ARHGEF3: variants seen among roughly 807,000 people sequenced by gnomAD.
ARHGEF3 encodes the protein 59.8 kDA protein.
A neutral mutation model predicts 63.2 loss-of-function variants in ARHGEF3; 28 were observed. The observed-to-expected ratio is 0.44, with a 90% CI of 0.33 to 0.61. The LOEUF is 0.61. ARHGEF3 is among the 20% of genes least tolerant of loss of function. The pLI is 0.03. For missense variants in ARHGEF3, 533 were observed against 659.3 expected (o/e 0.81, Z 2.10); for synonymous variants, 266 against 254.2 (o/e 1.05, Z -0.44).
chr3:56,994,741 AT>A (rs1472752947), intron 2 of ARHGEF3, among the ~76,000 whole-genome samples: 1 of 152,172 alleles, frequency 6.6e-6, no homozygotes, highest in Admixed American at 6.5e-5. Context: ...ATCCAGGACA[AT>A]AGAAGAAAAT....
rs1274433376 is a variant in ARHGEF3, at chr3:56,729,341, G to C, written c.1510C>G (p.Leu504Val). ...DCSMDTSEVSLDCERMEQTDS... is the reference protein window; with the variant it reads ...DCSMDTSEVSVDCERMEQTDS... The stretch of plus-strand genomic sequence containing the variant: ...GTCTGTTCCATGCGCTCACAGTCGA[G>C]GCTGACCTCACTCGTGTCCATACTA... Residue 504 changes from leucine to valine, a missense_variant, in exon 10 of 10, where the codon CTC (leucine) becomes GTC (valine). Around this residue, in one of 4 missense-constraint regions of ARHGEF3, gnomAD observed 115 missense variants for 103.4 expected, o/e 1.11. Transcript: ENST00000296315. 4 of 1,613,994 alleles carry C rather than the reference G, an allele frequency of 2.5e-6. No homozygotes were observed. In the Admixed American group the frequency reaches 5.0e-5, roughly 20 times the overall value.
At chr3:56,983,937 G>GGA (rs765054138) in intron 2 of ARHGEF3, among the ~76,000 whole-genome samples, 2 of 112,536 alleles carry the variant, frequency 1.8e-5, no homozygotes, top group Non-Finnish European at 3.5e-5. Context: ...TCCGTCTCGA[G>GGA]AAAAAAAAAA....
chr3:56,884,561 T>C (rs748381427), intron 3 of ARHGEF3, among the ~76,000 whole-genome samples: 1 of 152,236 alleles, frequency 6.6e-6, no homozygotes. Context: ...CCAGGAGCCA[T>C]CCCCAGGAAT....
At chr3:56,937,330 T>C (rs947335956) in intron 3 of ARHGEF3, among the ~76,000 whole-genome samples, 1 of 152,242 alleles carries the variant, frequency 6.6e-6, no homozygotes, top group Non-Finnish European at 1.5e-5. Flanking sequence ...TTAGGACATA[T>C]ATACTGAAAT....
intron 1 of ARHGEF3, chr3:57,073,982 A>G (rs1288700787): frequency 6.2e-7 from 1 of 1,614,098 alleles, no homozygotes; most frequent in Non-Finnish European, 8.5e-7. Flanking sequence ...ACATCGCTGT[A>G]TCCCAAATAA....
intron 2 of ARHGEF3, among the ~76,000 whole-genome samples, chr3:56,976,918 C>T (rs527348729): frequency 2.0e-4 from 31 of 151,904 alleles, no homozygotes; most frequent in Non-Finnish European, 3.7e-4. Context: ...ACCTCAATGA[C>T]GGCTAAAAAA....
intron 3 of ARHGEF3, among the ~76,000 whole-genome samples, chr3:56,926,799 T>C (rs1006490820): frequency 6.6e-6 from 1 of 152,218 alleles, no homozygotes; most frequent in Non-Finnish European, 1.5e-5. Flanking sequence ...AAAAGCTGAT[T>C]TTTATTTTTT....
At chr3:56,750,632 A>G (rs1244840512) in intron 6 of ARHGEF3, among the ~76,000 whole-genome samples, 3 of 145,934 alleles carry the variant, frequency 2.1e-5, no homozygotes, top group Non-Finnish European at 3.0e-5. Context: ...ATAAAACTGC[A>G]TTTTGACCAT....
intron 1 of ARHGEF3, among the ~76,000 whole-genome samples, chr3:57,062,337 G>C (rs1050118441): frequency 6.6e-6 from 1 of 152,164 alleles, no homozygotes; most frequent in Admixed American, 6.5e-5. Flanking sequence ...GCCTGGCAAG[G>C]GTGGCTTGTG....
chr3:57,017,957 G>A (rs757538827), intron 2 of ARHGEF3, among the ~76,000 whole-genome samples: 2 of 152,186 alleles, frequency 1.3e-5, no homozygotes, highest in Non-Finnish European at 2.9e-5. Flanking sequence ...CAGTAGTTAC[G>A]CTGTGAAAAC....
chr3:56,967,447 T>TATTATAA (rs1700582824), intron 2 of ARHGEF3, among the ~76,000 whole-genome samples: 1 of 76,534 alleles, frequency 1.3e-5, no homozygotes, highest in Non-Finnish European at 2.2e-5. Flanking sequence ...ATATATTATA[T>TATTATAA]ATTATACATA....
At chr3:56,958,201 C>G (rs1423736833) in intron 3 of ARHGEF3, among the ~76,000 whole-genome samples, 1 of 152,076 alleles carries the variant, frequency 6.6e-6, no homozygotes, top group Non-Finnish European at 1.5e-5. Flanking sequence ...CCAAAGAAAA[C>G]AGCCCCAATG....
chr3:56,787,372 C>T (rs78637925), intron 1 of ARHGEF3, among the ~76,000 whole-genome samples: 3,282 of 152,230 alleles, frequency 0.022, 136 homozygotes, highest in African/African-American at 0.075. Context: ...CTTGCCTACT[C>T]ATAGACTCTA....
chr3:56,983,667 G>A (rs1299120410), intron 2 of ARHGEF3, among the ~76,000 whole-genome samples: 2 of 152,230 alleles, frequency 1.3e-5, no homozygotes, highest in Admixed American at 6.5e-5. Flanking sequence ...GCCGGAAGCA[G>A]TGGCTGACGC....
In ARHGEF3 at chr3:56,801,745, G is replaced by A. The variant is rs2037664185; in HGVS notation, c.54C>T (p.Ser18=). Residue 18 remains serine, a synonymous_variant, in exon 1 of 10, where the codon AGC becomes AGT. Coordinates refer to ENST00000296315, the MANE Select transcript of ARHGEF3 (RefSeq NM_019555.3). ...GACCGCTGGCCGGGGGTAGCTCCAG[G>A]CTGCAGTTCGCTCTCTTGACCGTGA... is the stretch of plus-strand genomic sequence containing the variant. The part of the protein sequence containing the change: ...FYLTVKRANC[S]LELPPASGPA... 1.3e-6 allele frequency: 2 copies of A among 1,569,162 alleles called. No individual in the cohort carries two copies. The highest frequency in any genetic ancestry group is 1.7e-6 in the Non-Finnish European group (2 of 1,155,798).
At chr3:56,851,660 T>C (rs1324730672) in intron 4 of ARHGEF3, among the ~76,000 whole-genome samples, 1 of 152,120 alleles carries the variant, frequency 6.6e-6, no homozygotes, top group Non-Finnish European at 1.5e-5. Flanking sequence ...AGTGCTAATA[T>C]TACAGGCATG....
chr3:56,895,973 T>C (rs1156968011), intron 3 of ARHGEF3, among the ~76,000 whole-genome samples: 2 of 152,140 alleles, frequency 1.3e-5, no homozygotes, highest in South Asian at 2.1e-4. Flanking sequence ...TGCCTCAGCA[T>C]GAGGGCCTGC....
At chr3:56,787,477 T>C (rs2036876958) in intron 1 of ARHGEF3, among the ~76,000 whole-genome samples, 4 of 151,928 alleles carry the variant, frequency 2.6e-5, no homozygotes, top group Admixed American at 2.6e-4. Flanking sequence ...GAGGGAAGCC[T>C]AGGAAAGGAA....
intron 1 of ARHGEF3, chr3:57,074,334 C>A: frequency 3.6e-6 from 5 of 1,401,328 alleles, no homozygotes; most frequent in Non-Finnish European, 5.0e-6. Flanking sequence ...ACATGCTATG[C>A]CCTCCCTTCC....
Sources: allele counts gnomAD v4.1 joint callset (sites outside exome capture counted in the v4.1 genomes callset), GRCh38; gene constraint gnomAD v4.1.1; regional missense constraint gnomAD v4.1.1; transcripts MANE v1.5; gene names NCBI Gene and HGNC (gene_info 2026-07-23, HGNC 2026-07-21).